BMAL2: variants seen among roughly 807,000 people sequenced by gnomAD.
BMAL2 encodes the protein basic helix-loop-helix ARNT-like protein 2.
the BMAL2 span, among the ~76,000 whole-genome samples, chr12:27,381,060 A>G: frequency 2.6e-5 from 4 of 152,186 alleles, no homozygotes; most frequent in Non-Finnish European, 5.9e-5. Flanking sequence ...AAACTTCCTT[A>G]AACTCTGCAG....
the BMAL2 span, chr12:27,400,752 A>C: frequency 6.2e-7 from 1 of 1,611,278 alleles, no homozygotes; most frequent in Non-Finnish European, 8.5e-7. Context: ...AGTGAATGGA[A>C]AATTTGTCTA....
chr12:27,380,400 A>C, the BMAL2 span: 1 of 1,614,036 alleles, frequency 6.2e-7, no homozygotes, highest in South Asian at 1.1e-5. Flanking sequence ...TGAGATCTTT[A>C]AAAGGTGAGT....
At chr12:27,396,107 GACCCCTAT>G in the BMAL2 span, among the ~76,000 whole-genome samples, 2 of 152,206 alleles carry the variant, frequency 1.3e-5, no homozygotes, top group Non-Finnish European at 2.9e-5. Context: ...TTATAAGGTA[GACCCCTAT>G]ACAACATTTC....
At chr12:27,415,236 A>G in the BMAL2 span, among the ~76,000 whole-genome samples, 2 of 152,220 alleles carry the variant, frequency 1.3e-5, no homozygotes, top group Non-Finnish European at 2.9e-5. Flanking sequence ...GTCAACATAC[A>G]CATACACACA....
the BMAL2 span, chr12:27,418,135 G>T: frequency 6.2e-7 from 1 of 1,613,390 alleles, no homozygotes; most frequent in Non-Finnish European, 8.5e-7. Context: ...AAATGGGGGA[G>T]CTAGAGGCTA....
the BMAL2 span, among the ~76,000 whole-genome samples, chr12:27,399,014 G>A: frequency 1.3e-5 from 2 of 152,192 alleles, no homozygotes; most frequent in Non-Finnish European, 2.9e-5. Context: ...TGCCTGGGTT[G>A]ATCGTGGCAC....
the BMAL2 span, chr12:27,402,499 T>G: frequency 1.4e-6 from 1 of 734,932 alleles, no homozygotes; most frequent in Non-Finnish European, 2.2e-6. Context: ...TAACAATATG[T>G]GTATATAAAA....
chr12:27,360,752 A>AAATTTCT, the BMAL2 span, among the ~76,000 whole-genome samples: 2 of 129,236 alleles, frequency 1.5e-5, no homozygotes, highest in African/African-American at 3.0e-5. Context: ...GGTTTGCGGG[A>AAATTTCT]AATTTCTTCC....
At chr12:27,343,219 T>C in the BMAL2 span, among the ~76,000 whole-genome samples, 1 of 152,262 alleles carries the variant, frequency 6.6e-6, no homozygotes, top group African/African-American at 2.4e-5. Flanking sequence ...GTATTTAACA[T>C]CTATACTGTA....
chr12:27,361,103 A>G, the BMAL2 span, among the ~76,000 whole-genome samples: 1 of 152,184 alleles, frequency 6.6e-6, no homozygotes, highest in Non-Finnish European at 1.5e-5. Context: ...GGCTTCTGTG[A>G]ATCTGTGTGT....
At chr12:27,370,011 A>T in the BMAL2 span, 5 of 710,842 alleles carry the variant, frequency 7.0e-6, no homozygotes, top group African/African-American at 8.8e-5. Flanking sequence ...CACTTCACCC[A>T]GCTTCCTATC....
the BMAL2 span, among the ~76,000 whole-genome samples, chr12:27,417,649 T>C: frequency 2.0e-5 from 3 of 152,088 alleles, no homozygotes; most frequent in Non-Finnish European, 4.4e-5. Context: ...TCCATATTGA[T>C]GGTGGCAGTT....
the BMAL2 span, among the ~76,000 whole-genome samples, chr12:27,341,450 C>A: frequency 3.5e-4 from 54 of 152,276 alleles, no homozygotes; most frequent in African/African-American, 1.3e-3. Context: ...CAAACTTGCT[C>A]CCCACGGATA....
the BMAL2 span, among the ~76,000 whole-genome samples, chr12:27,382,976 G>A: frequency 2.0e-5 from 3 of 152,292 alleles, no homozygotes; most frequent in East Asian, 3.9e-4. Flanking sequence ...CTTAAATTCT[G>A]CACTTGATCT....
chr12:27,349,245 G>T, the BMAL2 span, among the ~76,000 whole-genome samples: 7 of 152,260 alleles, frequency 4.6e-5, 1 homozygote, highest in Admixed American at 4.6e-4. Context: ...CCACAGTTGG[G>T]TTTAAAGCAA....
the BMAL2 span, chr12:27,387,193 T>C: frequency 1.4e-6 from 2 of 1,410,518 alleles, no homozygotes; most frequent in Admixed American, 1.7e-5. Context: ...AGACAGACAA[T>C]ATTTTAAAAT....
the BMAL2 span, chr12:27,389,952 G>T: frequency 1.2e-6 from 1 of 858,234 alleles, no homozygotes; most frequent in East Asian, 2.6e-5. Flanking sequence ...TTCACTTCAG[G>T]GTTTACTGTA....
At chr12:27,410,633 A>G in the BMAL2 span, among the ~76,000 whole-genome samples, 1 of 152,184 alleles carries the variant, frequency 6.6e-6, no homozygotes, top group Non-Finnish European at 1.5e-5. Context: ...ATTAGGAGAT[A>G]TACCTAATGT....
the BMAL2 span, among the ~76,000 whole-genome samples, chr12:27,362,952 C>T: frequency 6.6e-6 from 1 of 152,114 alleles, no homozygotes; most frequent in Non-Finnish European, 1.5e-5. Flanking sequence ...TATATGTGCA[C>T]ACCACCATGC....
Sources: allele counts gnomAD v4.1 joint callset (sites outside exome capture counted in the v4.1 genomes callset), GRCh38; gene constraint gnomAD v4.1.1; transcripts MANE v1.5; gene names NCBI Gene and HGNC (gene_info 2026-07-23, HGNC 2026-07-21).